Variants in DPP8 observed in about 807,000 individuals in gnomAD.
The protein encoded by DPP8 is dipeptidyl peptidase 8, also known as DPP VIII.
DPP8 carries 31 observed loss-of-function variants against 107.5 expected under a neutral mutation model. The ratio of observed to expected loss-of-function variants is 0.29; its 90% CI spans 0.22 to 0.39. The LOEUF is 0.39. DPP8 is among the 10% of genes least tolerant of loss of function. The probability of loss-of-function intolerance (pLI) is 1.00; values close to 1 mark genes in which losing one functional copy is unlikely to be tolerated. For synonymous variants in DPP8, 381 were observed against 356.6 expected (o/e 1.07, Z -0.77); for missense variants, 842 against 1,076.1 (o/e 0.78, Z 3.04).
chr15:65,473,325 C>T (rs1265318462), intron 12 of DPP8, among the ~76,000 whole-genome samples: 1 of 94,796 alleles, frequency 1.1e-5, no homozygotes, highest in Non-Finnish European at 2.3e-5. Flanking sequence ...ACTCCATCTC[C>T]AAAAAAAAAA....
At chr15:65,486,942 G>C (rs547387615) in intron 7 of DPP8, among the ~76,000 whole-genome samples, 1 of 151,958 alleles carries the variant, frequency 6.6e-6, no homozygotes, top group Admixed American at 6.6e-5. Context: ...ACTTATCCAT[G>C]TAACCGAAAA....
chr15:65,512,241 T>C, intron 2 of DPP8, 54 bp downstream of exon 2: 1 of 1,538,154 alleles, frequency 6.5e-7, no homozygotes, highest in Non-Finnish European at 8.8e-7. Context: ...TACCTAGACT[T>C]TAAGTTTGAC....
intron 5 of DPP8, among the ~76,000 whole-genome samples, chr15:65,492,367 G>C (rs1162453966): frequency 6.6e-6 from 1 of 152,024 alleles, no homozygotes; most frequent in African/African-American, 2.4e-5. Context: ...GGGAATTTTT[G>C]AGAACATGTG....
At chr15:65,486,052 C>A (rs1185103289) in intron 7 of DPP8, among the ~76,000 whole-genome samples, 3 of 149,450 alleles carry the variant, frequency 2.0e-5, no homozygotes, top group Non-Finnish European at 4.4e-5. Context: ...TGAGATCGTG[C>A]CACTGCATTC....
intron 7 of DPP8, among the ~76,000 whole-genome samples, chr15:65,486,438 C>A (rs990392642): frequency 6.6e-6 from 1 of 151,652 alleles, no homozygotes; most frequent in African/African-American, 2.4e-5. Flanking sequence ...CCAGGCTGGT[C>A]GAGCTACTCA....
chr15:65,502,732 T>G (rs1355757745), intron 3 of DPP8: 1 of 152,032 alleles, frequency 6.6e-6, no homozygotes, highest in Non-Finnish European at 1.5e-5. Flanking sequence ...AAATGTTATT[T>G]AAAAAATAGG....
chr15:65,510,147 TA>T (rs1159475434), intron 2 of DPP8, among the ~76,000 whole-genome samples: 3 of 151,010 alleles, frequency 2.0e-5, no homozygotes, highest in Non-Finnish European at 4.4e-5. Flanking sequence ...AACCCGTCTC[TA>T]CAAAAAAAAA....
chr15:65,494,149 C>CTTTTTT (rs542314824), intron 5 of DPP8, among the ~76,000 whole-genome samples: 1,660 of 123,258 alleles, frequency 0.013, 202 homozygotes, highest in African/African-American at 0.048. Context: ...GTTCTATATC[C>CTTTTTT]TTTTTTTTTT....
At chr15:65,502,079 T>C (rs2069304929) in intron 3 of DPP8, among the ~76,000 whole-genome samples, 1 of 152,094 alleles carries the variant, frequency 6.6e-6, no homozygotes. Flanking sequence ...TTAGTAGAAA[T>C]GGAGTTTCGC....
intron 16 of DPP8, 68 bp downstream of exon 16, chr15:65,456,157 T>C: frequency 1.3e-6 from 2 of 1,545,910 alleles, no homozygotes; most frequent in Non-Finnish European, 1.8e-6. Context: ...CTTTCAAGGG[T>C]TTCACACCAA....
At chr15:65,466,630 A>AAT (rs772922717) in intron 14 of DPP8, 48 bp downstream of exon 14, 123 of 1,513,418 alleles carry the variant, frequency 8.1e-5, no homozygotes, top group Non-Finnish European at 1.1e-4. Context: ...TTAGTGTACT[A>AAT]ATATATTAAT....
chr15:65,456,698 C>T lies in DPP8; in HGVS notation c.1972-327G>A, dbSNP rs1198345818. ...CTGAAGAACTGTGCTATTCGAATGA[C>T]AGTTACAAGGACAAATAAGAAAAAC... On this transcript the variant is annotated intron_variant, in intron 15 of 19. Coordinates refer to ENST00000300141, the MANE Select transcript of DPP8 (RefSeq NM_130434.5). Among the ~76,000 whole-genome samples, 3 of 152,114 alleles carry T rather than the reference C, an allele frequency of 2.0e-5. No individual in the cohort carries two copies. The East Asian group carries it at 5.8e-4, about 29-fold the overall frequency.
chr15:65,503,981 C>G (rs1021797487), intron 3 of DPP8, among the ~76,000 whole-genome samples: 1 of 150,864 alleles, frequency 6.6e-6, no homozygotes, highest in African/African-American at 2.4e-5. Context: ...AGGCTGGTCT[C>G]GAACTCCTGG....
chr15:65,499,483 A>G (rs1345517483), intron 4 of DPP8, among the ~76,000 whole-genome samples: 1 of 152,138 alleles, frequency 6.6e-6, no homozygotes, highest in Non-Finnish European at 1.5e-5. Context: ...TCAGCCTCCC[A>G]AAGTGCTGGG....
intron 15 of DPP8, among the ~76,000 whole-genome samples, chr15:65,461,265 CT>C (rs2064896594): frequency 6.6e-6 from 1 of 152,120 alleles, no homozygotes; most frequent in Non-Finnish European, 1.5e-5. Flanking sequence ...CTGCCTCAGC[CT>C]CTTGAGTAGA....
At chr15:65,457,186 C>T in intron 15 of DPP8, among the ~76,000 whole-genome samples, 1 of 152,126 alleles carries the variant, frequency 6.6e-6, no homozygotes, top group Non-Finnish European at 1.5e-5. Context: ...GAAACCCCGT[C>T]TCTACCAAAA....
At chr15:65,510,944 C>CA (rs1266606367) in intron 2 of DPP8, among the ~76,000 whole-genome samples, 2 of 152,072 alleles carry the variant, frequency 1.3e-5, no homozygotes, top group Non-Finnish European at 2.9e-5. Context: ...TGGGAAAGAT[C>CA]AAAAAGTTTA....
chr15:65,491,874 A>AGGTGCCCGCCAC (rs1226401600), intron 5 of DPP8, among the ~76,000 whole-genome samples: 2 of 152,136 alleles, frequency 1.3e-5, no homozygotes, highest in Non-Finnish European at 2.9e-5. Flanking sequence ...CTGGGACTAC[A>AGGTGCCCGCCAC]GGTGCCCGCC....
At chr15:65,480,632 GAA>G (rs995013896) in intron 9 of DPP8, among the ~76,000 whole-genome samples, 7 of 152,188 alleles carry the variant, frequency 4.6e-5, no homozygotes, top group African/African-American at 1.7e-4. Context: ...GTTGGCCTGT[GAA>G]AGTGTTTTAT....
Sources: allele counts gnomAD v4.1 joint callset (sites outside exome capture counted in the v4.1 genomes callset), GRCh38; gene constraint gnomAD v4.1.1; transcripts MANE v1.5; gene names NCBI Gene and HGNC (gene_info 2026-07-23, HGNC 2026-07-21).